Variants in ECE1 observed in about 807,000 individuals in gnomAD.
ECE1 encodes endothelin-converting enzyme 1.
Under a neutral mutation model 98.6 loss-of-function variants are expected in ECE1, and 35 were observed. That is an observed-to-expected ratio of 0.35 (90% CI 0.27 to 0.47). The LOEUF is 0.47. ECE1 is among the 20% of genes least tolerant of loss of function. The pLI is 1.00. For synonymous variants in ECE1, 394 were observed against 407.1 expected (o/e 0.97, Z 0.39); for missense variants, 814 against 1,025.3 (o/e 0.79, Z 2.81).
Position 21,220,244 on chromosome 1 carries a change from C to G in ECE1, c.2137-113G>C. 1 of 1,256,668 alleles carries G rather than the reference C, an allele frequency of 8.0e-7. No homozygotes were observed. Among genetic ancestry groups the G allele is most frequent in the South Asian group, 1.5e-5 (1 of 64,706 alleles). 77.8% of individuals were successfully genotyped at this position (1,256,668 alleles called of 1,614,324 possible). A position where few individuals can be genotyped will look rare whatever the true frequency, so the allele number is the denominator to read the frequency against. The stretch of plus-strand genomic sequence containing the variant: ...GGTGCGGTGGCTCACACCTGTAATC[C>G]CAGCACTTTGGGAGCCAAGGTGGAA... On this transcript the variant is annotated intron_variant, in intron 18 of 18. Coordinates refer to ENST00000374893, the MANE Select transcript of ECE1 (RefSeq NM_001397.3). The surrounding 1 kb of genome is among the most constrained non-coding windows in gnomAD (Gnocchi z 5.0).
chr1:21,237,908 C>T (rs1223776839), intron 11 of ECE1, among the ~76,000 whole-genome samples: 1 of 152,222 alleles, frequency 6.6e-6, no homozygotes, highest in Non-Finnish European at 1.5e-5. Flanking sequence ...CTGGGAGGAT[C>T]ACATGAGCTC....
intron 1 of ECE1, chr1:21,299,081 A>G: frequency 2.9e-6 from 1 of 342,104 alleles, no homozygotes. Context: ...CTAATCACGT[A>G]CAACTTAAGA....
chr1:21,252,571 T>C (rs1280581232), intron 8 of ECE1, among the ~76,000 whole-genome samples: 2 of 152,192 alleles, frequency 1.3e-5, no homozygotes, highest in African/African-American at 4.8e-5. Context: ...GTGAGGGTCC[T>C]AGAAAGGAAG....
rs762298406 is a variant in ECE1 at position 21,238,122 on chromosome 1, G to A, written c.1389+12C>T. The A allele has an allele frequency of 3.7e-6, 6 of 1,612,206 alleles. No individual in the cohort carries two copies. Among genetic ancestry groups the A allele is most frequent in the South Asian group, 3.3e-5 (3 of 91,038 alleles). On this transcript the variant is annotated intron_variant, in intron 11 of 18. Transcript: ENST00000374893. ...TGACCTCACAGCCTGTGTCCACGGG[G>A]AAGGCACTTACTATGCTCTTGCTGT...
rs1172097123 is a variant in ECE1 at position 21,245,109 on chromosome 1, G to C, written c.1164-6C>G. On this transcript the variant is annotated splice_region_variant and splice_polypyrimidine_tract_variant and intron_variant, in intron 9 of 18. Coordinates refer to ENST00000374893, the MANE Select transcript of ECE1 (RefSeq NM_001397.3). ...TCATGTAGTTGTTGAGCAGGCTGCGGGGAGAGGAGGCCAGAGAGGCTCAGG... is the reference window on the plus strand; with the variant it reads ...TCATGTAGTTGTTGAGCAGGCTGCGCGGAGAGGAGGCCAGAGAGGCTCAGG... The C allele has an allele frequency of 1.2e-6, 2 of 1,613,016 alleles. No individual in the cohort carries two copies. Among genetic ancestry groups the C allele is most frequent in the Non-Finnish European group, 1.7e-6 (2 of 1,179,194 alleles).
chr1:21,294,021 C>G (rs1450241477), upstream of ECE1: 1 of 152,488 alleles, frequency 6.6e-6, no homozygotes, highest in African/African-American at 2.4e-5. The surrounding 1 kb of genome is among the most constrained non-coding windows in gnomAD (Gnocchi z 4.2). Flanking sequence ...TCCCCCCAGC[C>G]CTGAGTCACC....
intron 7 of ECE1, 44 bp from the exon 8 acceptor site, chr1:21,256,182 T>A (rs2098219721): frequency 6.4e-7 from 1 of 1,564,882 alleles, no homozygotes; most frequent in South Asian, 1.2e-5. Context: ...GCCCCCCCAC[T>A]ATCCACTGGA....
At chr1:21,243,862 G>A (rs2098199731) in intron 10 of ECE1, among the ~76,000 whole-genome samples, 1 of 152,240 alleles carries the variant, frequency 6.6e-6, no homozygotes, top group Non-Finnish European at 1.5e-5. Flanking sequence ...TGTGGCCAAG[G>A]TCTGGTGGTG....
intron 2 of ECE1, among the ~76,000 whole-genome samples, chr1:21,281,558 G>A (rs1476461597): frequency 6.6e-6 from 1 of 152,220 alleles, no homozygotes; most frequent in Non-Finnish European, 1.5e-5. Flanking sequence ...AGCAGGGACT[G>A]CCTTGCCTAG....
intron 1 of ECE1, among the ~76,000 whole-genome samples, chr1:21,336,610 G>A (rs1460333206): frequency 6.6e-6 from 1 of 152,224 alleles, no homozygotes; most frequent in African/African-American, 2.4e-5. Context: ...TTCGGAGGCC[G>A]AGGTGGGCGG....
intron 14 of ECE1, among the ~76,000 whole-genome samples, chr1:21,230,587 C>T (rs1191586682): frequency 6.6e-6 from 1 of 152,020 alleles, no homozygotes; most frequent in East Asian, 1.9e-4. Context: ...GGGGTTTCAC[C>T]ATCTTGGCAA....
At chr1:21,326,142 G>A (rs963901693) in intron 1 of ECE1, among the ~76,000 whole-genome samples, 6 of 151,936 alleles carry the variant, frequency 3.9e-5, no homozygotes, top group African/African-American at 1.2e-4. Flanking sequence ...GCCGCCCCAC[G>A]TTCTCAGCCA....
At chr1:21,310,436 A>C (rs1247038333) in intron 1 of ECE1, among the ~76,000 whole-genome samples, 3 of 152,162 alleles carry the variant, frequency 2.0e-5, no homozygotes, top group Non-Finnish European at 2.9e-5. Context: ...CCTGTGACTT[A>C]GTAGAGGTGG....
intron 4 of ECE1, among the ~76,000 whole-genome samples, chr1:21,261,462 A>G (rs1459594885): frequency 6.6e-6 from 1 of 151,878 alleles, no homozygotes; most frequent in Non-Finnish European, 1.5e-5. Flanking sequence ...GTCCCCAAGG[A>G]GCTTCTGCAT....
At chr1:21,290,726 A>G (rs1193513672), upstream of ECE1, among the ~76,000 whole-genome samples, 2 of 152,224 alleles carry the variant, frequency 1.3e-5, no homozygotes, top group Non-Finnish European at 2.9e-5. The surrounding 1 kb of genome is among the most constrained non-coding windows in gnomAD (Gnocchi z 7.3). Context: ...GGCAGATAAC[A>G]AAAGTATCAG....
intron 1 of ECE1, among the ~76,000 whole-genome samples, chr1:21,320,952 C>T (rs550252992): frequency 6.6e-6 from 1 of 152,218 alleles, no homozygotes; most frequent in Non-Finnish European, 1.5e-5. Context: ...CCTGCTGCTG[C>T]AGAACCTCCT....
Position 21,238,331 on chromosome 1 carries a change from C to T in ECE1, c.1279-87G>A, listed in dbSNP as rs947399966. The T allele has an allele frequency of 1.1e-5, 12 of 1,064,248 alleles. No homozygotes were observed. In the African/African-American group the frequency reaches 1.6e-4, roughly 14 times the overall value. 65.9% of individuals were successfully genotyped at this position (1,064,248 alleles called of 1,614,324 possible). A position where few individuals can be genotyped will look rare whatever the true frequency, so the allele number is the denominator to read the frequency against. ...TGCTGGGAGGTAGCACCATGTGGGG[C>T]CCATGCTTTGTTCTGGAAGTTCAGG... is the stretch of plus-strand genomic sequence containing the variant. On this transcript the variant is annotated intron_variant, in intron 10 of 18. Coordinates refer to ENST00000374893, the MANE Select transcript of ECE1 (RefSeq NM_001397.3).
intron 10 of ECE1, among the ~76,000 whole-genome samples, chr1:21,243,659 G>T (rs2098199498): frequency 6.6e-6 from 1 of 152,248 alleles, no homozygotes; most frequent in Admixed American, 6.5e-5. Context: ...ATCATCCTGG[G>T]TCCTGATCAA....
chr1:21,272,965 G>A, intron 3 of ECE1, 54 bp from the exon 4 acceptor site: 1 of 1,603,240 alleles, frequency 6.2e-7, no homozygotes, highest in Non-Finnish European at 8.5e-7. Flanking sequence ...AAGAAGCAGG[G>A]AGGGCAGAGA....
Sources: gnomAD v4.1 joint callset for allele counts (sites outside exome capture counted in the v4.1 genomes callset) on GRCh38, gnomAD v4.1.1 for gene constraint, Gnocchi (gnomAD v3.1) non-coding constraint, MANE v1.5 for transcripts, NCBI Gene and HGNC (gene_info 2026-07-23, HGNC 2026-07-21) for gene names.